RTF1: variants seen among roughly 807,000 people sequenced by gnomAD.
RTF1 encodes the protein RNA polymerase-associated protein RTF1 homolog.
Under a neutral mutation model 95.7 loss-of-function variants are expected in RTF1, and 10 were observed. The observed-to-expected ratio is 0.10, with a 90% CI of 0.06 to 0.18. The LOEUF (loss-of-function observed/expected upper bound fraction) is 0.18. Ranked by LOEUF, RTF1 falls within the 10% of genes least tolerant of loss-of-function variation. RTF1 has a pLI of 1.00. For missense variants in RTF1, 458 were observed against 875.6 expected (o/e 0.52, Z 6.02); for synonymous variants, 305 against 311.8 (o/e 0.98, Z 0.23).
chr15:41,462,608 T>C (rs2050856273), intron 4 of RTF1, among the ~76,000 whole-genome samples: 1 of 152,212 alleles, frequency 6.6e-6, no homozygotes, highest in Admixed American at 6.5e-5. Context: ...CATTGGTTTT[T>C]ATATGTCCAC....
intron 1 of RTF1, among the ~76,000 whole-genome samples, chr15:41,432,298 C>T (rs914180324): frequency 1.4e-4 from 21 of 150,234 alleles, no homozygotes; most frequent in Admixed American, 8.7e-4. Flanking sequence ...CCCGGGTTCA[C>T]GCCATTCTCC....
At chr15:41,457,511 G>A (rs1487766666) in intron 3 of RTF1, among the ~76,000 whole-genome samples, 161 bp from the exon 4 acceptor site, 1 of 152,034 alleles carries the variant, frequency 6.6e-6, no homozygotes, top group Non-Finnish European at 1.5e-5. Context: ...GGCAATAAGA[G>A]CAAAACTCCA....
chr15:41,447,743 C>G, intron 2 of RTF1, among the ~76,000 whole-genome samples: 1 of 152,164 alleles, frequency 6.6e-6, no homozygotes, highest in Middle Eastern at 3.2e-3. Context: ...GGGAGATCCT[C>G]TGGCCTCTGT....
intron 2 of RTF1, among the ~76,000 whole-genome samples, chr15:41,449,172 CT>C (rs1436005040): frequency 6.6e-6 from 1 of 151,662 alleles, no homozygotes; most frequent in East Asian, 1.9e-4. Flanking sequence ...GCGTGAGCCA[CT>C]GCGCCCAGCC....
Position 41,417,161 on chromosome 15 carries a change from G to T in RTF1, c.46G>T (p.Ala16Ser). 1 of 1,261,146 alleles carries T rather than the reference G, an allele frequency of 7.9e-7. No individual in the cohort carries two copies. Among genetic ancestry groups the T allele is most frequent in the East Asian group, 3.1e-5 (1 of 32,032 alleles). The allele number at this position is 1,261,146 out of a possible 1,614,324, so 78.1% of individuals were successfully genotyped here. A position where few individuals can be genotyped will look rare whatever the true frequency, so the allele number is the denominator to read the frequency against. ...GGGTCGAGCAGCGGCGGCGGCGGCG[G>T]CAGTGGCGGTCCCACTGGCAGGCGG... ...CVGRAAAAAA[A>S]VAVPLAGGQE... Residue 16 changes from alanine to serine, a missense_variant, in exon 1 of 18, where the codon GCA becomes TCA. Ala to Ser is a moderately conservative substitution (Grantham distance 99). Transcript: ENST00000389629.
intron 1 of RTF1, among the ~76,000 whole-genome samples, 174 bp from the exon 2 acceptor site, chr15:41,438,146 GC>G (rs1282148699): frequency 6.6e-6 from 1 of 152,118 alleles, no homozygotes; most frequent in Non-Finnish European, 1.5e-5. Flanking sequence ...CATTTCTTCA[GC>G]ATCTTGGAAT....
At chr15:41,463,241 G>C (rs1159762685) in intron 4 of RTF1, among the ~76,000 whole-genome samples, 2 of 152,074 alleles carry the variant, frequency 1.3e-5, no homozygotes, top group African/African-American at 4.8e-5. Flanking sequence ...ATTTATATTT[G>C]TGGTGTTTCC....
intron 4 of RTF1, 38 bp downstream of exon 4, chr15:41,457,914 A>T (rs749423834): frequency 7.4e-7 from 1 of 1,349,228 alleles, no homozygotes; most frequent in Non-Finnish European, 9.9e-7. Context: ...CCCCGCCCCC[A>T]CCTTTTCTGT....
intron 16 of RTF1, 45 bp downstream of exon 16, chr15:41,479,243 C>A: frequency 1.5e-6 from 2 of 1,337,920 alleles, no homozygotes; most frequent in Non-Finnish European, 2.1e-6. Context: ...AGGCTGCTGG[C>A]TGAGATACCG....
chr15:41,458,012 C>T (rs182109155), intron 4 of RTF1, 136 bp downstream of exon 4: 28 of 653,572 alleles, frequency 4.3e-5, no homozygotes, highest in Admixed American at 5.7e-5. Context: ...CATGATGAGA[C>T]GCAAGTGATG....
chr15:41,423,899 T>C (rs1212437843), intron 1 of RTF1, among the ~76,000 whole-genome samples: 1 of 152,006 alleles, frequency 6.6e-6, no homozygotes, highest in Non-Finnish European at 1.5e-5. Flanking sequence ...ATTACAGGTA[T>C]GCACCACCAT....
At chr15:41,444,169 G>A in intron 2 of RTF1, among the ~76,000 whole-genome samples, 1 of 152,030 alleles carries the variant, frequency 6.6e-6, no homozygotes, top group East Asian at 1.9e-4. Context: ...TACTCAGGAG[G>A]CTGAGGTGGG....
At chr15:41,479,255 A>C in intron 16 of RTF1, 57 bp downstream of exon 16, 1 of 1,216,622 alleles carries the variant, frequency 8.2e-7, no homozygotes, top group Non-Finnish European at 1.2e-6. Context: ...GAGATACCGA[A>C]CAAGTACCTT....
intron 3 of RTF1, among the ~76,000 whole-genome samples, chr15:41,456,089 C>T (rs1262184679): frequency 6.6e-6 from 1 of 151,706 alleles, no homozygotes; most frequent in Non-Finnish European, 1.5e-5. Context: ...GCCTGTAGTC[C>T]CTGTTACTTG....
chr15:41,447,819 G>C (rs912938723), intron 2 of RTF1, among the ~76,000 whole-genome samples: 3 of 152,160 alleles, frequency 2.0e-5, no homozygotes, highest in Non-Finnish European at 4.4e-5. Flanking sequence ...TGGTGCATTT[G>C]AGGGCAGTTT....
chr15:41,471,681 G>C (rs1170139669), intron 8 of RTF1, among the ~76,000 whole-genome samples: 1 of 152,036 alleles, frequency 6.6e-6, no homozygotes, highest in African/African-American at 2.4e-5. Context: ...AAAAACCAAT[G>C]AATGAAAAGT....
chr15:41,450,591 A>G (rs956292984), intron 2 of RTF1, among the ~76,000 whole-genome samples: 2 of 151,986 alleles, frequency 1.3e-5, no homozygotes, highest in African/African-American at 4.8e-5. Flanking sequence ...TCTCAAAAAA[A>G]AAAAAAAAAA....
At chr15:41,450,298 G>A (rs28784968) in intron 2 of RTF1, among the ~76,000 whole-genome samples, 12 of 152,162 alleles carry the variant, frequency 7.9e-5, no homozygotes, top group South Asian at 2.1e-4. Context: ...GGCCAGGTGC[G>A]GTGGCTCATG....
intron 3 of RTF1, among the ~76,000 whole-genome samples, chr15:41,453,797 G>A (rs2050799745): frequency 1.3e-5 from 2 of 151,446 alleles, no homozygotes; most frequent in Non-Finnish European, 2.9e-5. Flanking sequence ...AAGTGAACTT[G>A]TTCCAGGACT....
Sources: gnomAD v4.1 joint callset for allele counts (sites outside exome capture counted in the v4.1 genomes callset) on GRCh38, gnomAD v4.1.1 for gene constraint, MANE v1.5 for transcripts, NCBI Gene and HGNC (gene_info 2026-07-23, HGNC 2026-07-21) for gene names.